Variants in SV2C observed in about 807,000 individuals in gnomAD.
SV2C encodes the protein synaptic vesicle glycoprotein 2C.
A neutral mutation model predicts 79.7 loss-of-function variants in SV2C; 49 were observed. That is an observed-to-expected ratio of 0.61 (90% CI 0.49 to 0.78). The LOEUF is 0.78. Among genes scored for constraint, SV2C ranks in the 30% least tolerant of loss-of-function variants. SV2C has a pLI of 0.00. For missense variants in SV2C, 833 were observed against 912.9 expected, an observed-to-expected ratio of 0.91 and a Z score of 1.13; for synonymous variants, 334 against 333.2, an observed-to-expected ratio of 1.00 and a Z score of -0.03.
At chr5:76,177,569 G>C (rs1180334955) in intron 2 of SV2C, among the ~76,000 whole-genome samples, 2 of 152,098 alleles carry the variant, frequency 1.3e-5, no homozygotes, top group African/African-American at 4.8e-5. Flanking sequence ...AATATTTTCA[G>C]ACCATGGTTG....
In SV2C at chr5:76,299,430, C is replaced by T. The variant is rs1747905862; in HGVS notation, c.1636+503C>T. Among the ~76,000 whole-genome samples the T allele has an allele frequency of 2.0e-5, 3 of 152,208 alleles. No individual in the cohort carries two copies. In the South Asian group the frequency reaches 6.2e-4, roughly 32 times the overall value. On this transcript the variant is annotated intron_variant, in intron 10 of 12. Transcript: ENST00000502798. ...CTGTTTTCTACTCTAGGTCATTAGA[C>T]ATTCATTATCTCATTTAGTTTTCAC...
At chr5:75,925,288 G>T in the SV2C span, among the ~76,000 whole-genome samples, 1 of 152,206 alleles carries the variant, frequency 6.6e-6, no homozygotes, top group African/African-American at 2.4e-5. Context: ...CCCCAGGAAA[G>T]AATCCCTCTC....
At chr5:75,883,688 G>T in the SV2C span, among the ~76,000 whole-genome samples, 635 of 122,140 alleles carry the variant, frequency 5.2e-3, 3 homozygotes, top group African/African-American at 0.018. Flanking sequence ...GGACTGTTGT[G>T]GGGTGGGGGG....
chr5:75,990,834 C>G, the SV2C span, among the ~76,000 whole-genome samples: 1 of 151,956 alleles, frequency 6.6e-6, no homozygotes, highest in Non-Finnish European at 1.5e-5. Flanking sequence ...TACCTCAAGG[C>G]TAGAAGAGCT....
the SV2C span, among the ~76,000 whole-genome samples, chr5:75,924,664 C>T: frequency 6.6e-6 from 1 of 152,010 alleles, no homozygotes; most frequent in Non-Finnish European, 1.5e-5. Flanking sequence ...TATTTTAACT[C>T]ACTGGGCAAA....
chr5:75,906,070 C>T, the SV2C span, among the ~76,000 whole-genome samples: 1 of 151,672 alleles, frequency 6.6e-6, no homozygotes, highest in Admixed American at 6.6e-5. Flanking sequence ...AGCTAAAGAA[C>T]ACCAAGGACT....
chr5:76,281,279 A>C, intron 4 of SV2C: 2 of 500,870 alleles, frequency 4.0e-6, no homozygotes, highest in South Asian at 3.1e-5. Flanking sequence ...TTGAACTAAA[A>C]GTTTTCATAG....
chr5:76,196,373 A>G (rs1744272224), intron 3 of SV2C, among the ~76,000 whole-genome samples: 1 of 152,204 alleles, frequency 6.6e-6, no homozygotes. Context: ...TTCAGAATCA[A>G]TCATTTGCTT....
chr5:75,968,933 G>A, the SV2C span, among the ~76,000 whole-genome samples: 1 of 152,160 alleles, frequency 6.6e-6, no homozygotes, highest in African/African-American at 2.4e-5. Context: ...GAGAAAGGTC[G>A]GGTTACCCAC....
At chr5:76,147,550 T>C (rs542742698) in intron 2 of SV2C, among the ~76,000 whole-genome samples, 2 of 152,344 alleles carry the variant, frequency 1.3e-5, no homozygotes, top group East Asian at 3.9e-4. Flanking sequence ...CTCCTCTGTC[T>C]GGATTGCTGA....
At chr5:75,946,267 A>AT in the SV2C span, among the ~76,000 whole-genome samples, 1 of 152,116 alleles carries the variant, frequency 6.6e-6, no homozygotes, top group African/African-American at 2.4e-5. Context: ...ATATGTAAGA[A>AT]TTTTATGTTT....
intron 1 of SV2C, among the ~76,000 whole-genome samples, chr5:76,084,836 G>A (rs1747124364): frequency 6.6e-6 from 1 of 151,242 alleles, no homozygotes; most frequent in Non-Finnish European, 1.5e-5. Flanking sequence ...GGGGCGGGAG[G>A]ACTGCGGCGG....
chr5:75,910,433 C>T, the SV2C span: 1 of 598,658 alleles, frequency 1.7e-6, no homozygotes, highest in Non-Finnish European at 3.2e-6. Flanking sequence ...TCTTTTTGAA[C>T]TTTCATGCAT....
the SV2C span, among the ~76,000 whole-genome samples, chr5:75,861,625 T>C: frequency 1.4e-5 from 2 of 143,062 alleles, no homozygotes; most frequent in Non-Finnish European, 2.9e-5. Flanking sequence ...ATACACACCA[T>C]GGACACAGCC....
rs533738238 is a variant in SV2C, at chr5:76,260,802, ATATCTGTTTTGGTACCAGTACCATGC to A, written c.914-24354_914-24329del. On this transcript the variant is annotated intron_variant, in intron 4 of 12. Coordinates refer to ENST00000502798, the MANE Select transcript of SV2C (RefSeq NM_014979.4). ...CCTCTGTCCTGTTCCATTGGTTTAT[ATATCTGTTTTGGTACCAGTACCATGC>A]TATCTTGGTTACTGTGGCCTTGTAG... Among the ~76,000 whole-genome samples the A allele has an allele frequency of 3.6e-3, 554 of 152,176 alleles. 4 individuals are homozygous for A. Among genetic ancestry groups the A allele is most frequent in the African/African-American group, 0.013 (530 of 41,496 alleles).
intron 2 of SV2C, among the ~76,000 whole-genome samples, chr5:76,175,448 A>G (rs534896370): frequency 8.5e-5 from 13 of 152,328 alleles, no homozygotes; most frequent in Non-Finnish European, 1.9e-4. Context: ...AAAAAGAAAA[A>G]TGGACACAGA....
At chr5:76,000,705 A>G in the SV2C span, among the ~76,000 whole-genome samples, 1 of 152,196 alleles carries the variant, frequency 6.6e-6, no homozygotes, top group Non-Finnish European at 1.5e-5. Flanking sequence ...ACCACATCAC[A>G]TCCAGAGAGC....
chr5:76,120,470 A>C, intron 1 of SV2C, among the ~76,000 whole-genome samples: 1 of 142,192 alleles, frequency 7.0e-6, no homozygotes, highest in Admixed American at 6.9e-5. Context: ...GCACCCATTA[A>C]CTCGTCATTT....
chr5:76,056,624 CT>C, the SV2C span, among the ~76,000 whole-genome samples: 2,958 of 65,800 alleles, frequency 0.045, 22 homozygotes, highest in South Asian at 0.069. Context: ...CCTGGGCTTT[CT>C]TTTTTTTTTT....
Sources: gnomAD v4.1 joint callset for allele counts (sites outside exome capture counted in the v4.1 genomes callset) on GRCh38, gnomAD v4.1.1 for gene constraint, MANE v1.5 for transcripts, NCBI Gene and HGNC (gene_info 2026-07-23, HGNC 2026-07-21) for gene names.